CFAP210: variants seen among roughly 807,000 people sequenced by gnomAD.
CFAP210 encodes cilia- and flagella- associated protein 210.
chr2:169,678,067 G>A, the CFAP210 span, among the ~76,000 whole-genome samples: 2 of 152,068 alleles, frequency 1.3e-5, no homozygotes, highest in East Asian at 1.9e-4. Flanking sequence ...TAGGCTGGGC[G>A]CGGTGGCTCA....
At chr2:169,652,988 A>C in the CFAP210 span, among the ~76,000 whole-genome samples, 8 of 111,364 alleles carry the variant, frequency 7.2e-5, no homozygotes, top group African/African-American at 2.8e-4. Context: ...CGACAGAGCA[A>C]GACTCCGTCT....
chr2:169,689,169 C>T, the CFAP210 span, among the ~76,000 whole-genome samples: 1 of 152,146 alleles, frequency 6.6e-6, no homozygotes, highest in Admixed American at 6.5e-5. Flanking sequence ...AATTATCTCC[C>T]CCTGGGTCCC....
chr2:169,648,040 C>G, the CFAP210 span: 1 of 159,282 alleles, frequency 6.3e-6, no homozygotes, highest in Non-Finnish European at 1.4e-5. Context: ...CCTGTAATCC[C>G]AGCTACTTGG....
At chr2:169,689,147 C>T in the CFAP210 span, among the ~76,000 whole-genome samples, 1 of 152,110 alleles carries the variant, frequency 6.6e-6, no homozygotes, top group Non-Finnish European at 1.5e-5. Flanking sequence ...GAAAGACTGG[C>T]CCCCATGATT....
chr2:169,665,808 A>T, the CFAP210 span, among the ~76,000 whole-genome samples: 73 of 152,296 alleles, frequency 4.8e-4, no homozygotes, highest in African/African-American at 1.5e-3. Context: ...CAGAAGGGCT[A>T]TATGTCCTGA....
the CFAP210 span, chr2:169,646,321 C>T: frequency 1.5e-4 from 99 of 645,268 alleles, no homozygotes; most frequent in Non-Finnish European, 2.4e-4. Context: ...CAACTATATA[C>T]TATCATTTAT....
At chr2:169,647,456 C>T in the CFAP210 span, among the ~76,000 whole-genome samples, 4 of 151,968 alleles carry the variant, frequency 2.6e-5, no homozygotes, top group Admixed American at 6.6e-5. Context: ...TCCTAAAAAA[C>T]GCTAACAGAT....
chr2:169,662,432 T>C, the CFAP210 span: 2 of 1,579,424 alleles, frequency 1.3e-6, no homozygotes, highest in Non-Finnish European at 1.7e-6. Flanking sequence ...TCATGTTCCT[T>C]TATTCTAAAG....
At chr2:169,650,189 A>G in the CFAP210 span, 1 of 907,608 alleles carries the variant, frequency 1.1e-6, no homozygotes, top group Non-Finnish European at 1.5e-6. Flanking sequence ...GTCCAATTTC[A>G]AAAATACAGG....
At chr2:169,672,968 C>T in the CFAP210 span, among the ~76,000 whole-genome samples, 2 of 152,152 alleles carry the variant, frequency 1.3e-5, no homozygotes, top group Non-Finnish European at 2.9e-5. Context: ...GTCTTACCCA[C>T]ATAACTGAAT....
the CFAP210 span, among the ~76,000 whole-genome samples, chr2:169,647,539 C>CA: frequency 6.3e-5 from 9 of 143,492 alleles, no homozygotes; most frequent in Non-Finnish European, 1.2e-4. Context: ...GAAAATAAGG[C>CA]AAAAAAAATC....
At chr2:169,663,795 AT>A in the CFAP210 span, among the ~76,000 whole-genome samples, 441 of 146,770 alleles carry the variant, frequency 3.0e-3, 3 homozygotes, top group African/African-American at 9.8e-3. Context: ...AAAAATAATA[AT>A]AAAAAAAAAA....
the CFAP210 span, chr2:169,645,669 G>A: frequency 1.8e-6 from 1 of 560,404 alleles, no homozygotes; most frequent in East Asian, 2.9e-5. Context: ...TTAAAAAAAG[G>A]AATCTCAAAA....
chr2:169,650,576 C>A, the CFAP210 span: 1 of 1,348,966 alleles, frequency 7.4e-7, no homozygotes, highest in Non-Finnish European at 9.6e-7. Context: ...TCCAATGGAG[C>A]CAACATAATT....
the CFAP210 span, among the ~76,000 whole-genome samples, chr2:169,686,768 T>C: frequency 6.6e-6 from 1 of 152,206 alleles, no homozygotes; most frequent in Non-Finnish European, 1.5e-5. Flanking sequence ...AATACTGTCA[T>C]TTTGGGAATT....
chr2:169,683,003 G>A, the CFAP210 span, among the ~76,000 whole-genome samples: 1 of 152,122 alleles, frequency 6.6e-6, no homozygotes, highest in African/African-American at 2.4e-5. Flanking sequence ...GAAACAAGTA[G>A]AGAGAAAGGC....
the CFAP210 span, among the ~76,000 whole-genome samples, chr2:169,650,024 A>C: frequency 6.6e-6 from 1 of 152,198 alleles, no homozygotes; most frequent in Non-Finnish European, 1.5e-5. Context: ...GAAATGTATA[A>C]TTTTTACATG....
At chr2:169,681,918 C>T in the CFAP210 span, among the ~76,000 whole-genome samples, 7 of 152,148 alleles carry the variant, frequency 4.6e-5, no homozygotes, top group Admixed American at 4.6e-4. Context: ...ATAAACCAGC[C>T]TTGAATGAAG....
chr2:169,693,883 C>T, the CFAP210 span, among the ~76,000 whole-genome samples: 1 of 152,128 alleles, frequency 6.6e-6, no homozygotes. Flanking sequence ...AGAGATATTC[C>T]AATTCAATCA....
Sources: gnomAD v4.1 joint callset for allele counts (sites outside exome capture counted in the v4.1 genomes callset) on GRCh38, gnomAD v4.1.1 for gene constraint, MANE v1.5 for transcripts, NCBI Gene and HGNC (gene_info 2026-07-23, HGNC 2026-07-21) for gene names.